The following SKAP1 variants were observed in gnomAD, a reference collection of about 807,000 sequenced individuals.
SKAP1 encodes src kinase-associated phosphoprotein 1.
Under a neutral mutation model 58.5 loss-of-function variants are expected in SKAP1, and 44 were observed. The ratio of observed to expected loss-of-function variants is 0.75; its 90% CI spans 0.59 to 0.97. SKAP1 has a LOEUF of 0.97. Among genes scored for constraint, SKAP1 ranks in the 50% least tolerant of loss-of-function variants. SKAP1 has a pLI of 0.00. For synonymous variants in SKAP1, 127 were observed against 149.7 expected, an observed-to-expected ratio of 0.85 and a Z score of 1.11; for missense variants, 390 against 435.2, an observed-to-expected ratio of 0.90 and a Z score of 0.92.
At chr17:48,218,458 G>T (rs1365435094) in intron 4 of SKAP1, among the ~76,000 whole-genome samples, 3 of 152,168 alleles carry the variant, frequency 2.0e-5, no homozygotes, top group Admixed American at 1.3e-4. Context: ...TCAATTCTAA[G>T]AATAATAATT....
chr17:48,339,979 G>A (rs1034605276), intron 4 of SKAP1, among the ~76,000 whole-genome samples: 1 of 152,024 alleles, frequency 6.6e-6, no homozygotes, highest in South Asian at 2.1e-4. Flanking sequence ...TCGGGAGTTC[G>A]AGACCAGCCT....
chr17:48,387,694 T>A (rs1226933296), intron 2 of SKAP1, among the ~76,000 whole-genome samples: 4 of 152,244 alleles, frequency 2.6e-5, no homozygotes, highest in Admixed American at 2.6e-4. Context: ...TTCTAACCTC[T>A]GTCATTTTTA....
chr17:48,142,602 T>C (rs1237808834), intron 11 of SKAP1, among the ~76,000 whole-genome samples: 1 of 152,222 alleles, frequency 6.6e-6, no homozygotes, highest in South Asian at 2.1e-4. Context: ...CCCTGGTGAT[T>C]GAACTAGTTG....
intron 3 of SKAP1, among the ~76,000 whole-genome samples, chr17:48,350,470 C>T (rs1043438420): frequency 6.6e-6 from 1 of 152,018 alleles, no homozygotes; most frequent in Non-Finnish European, 1.5e-5. Flanking sequence ...CCGAGGCAGG[C>T]AGATCACCTG....
chr17:48,365,080 C>A (rs2066984918), intron 2 of SKAP1, among the ~76,000 whole-genome samples: 1 of 152,034 alleles, frequency 6.6e-6, no homozygotes, highest in Non-Finnish European at 1.5e-5. Flanking sequence ...TTCTCAACAA[C>A]CTTGCAATGA....
Position 48,363,830 on chromosome 17 carries a change from G to C in SKAP1, c.153-16C>G. 1 of 1,559,474 alleles carries C rather than the reference G, an allele frequency of 6.4e-7. No individual in the cohort carries two copies. The highest frequency in any genetic ancestry group is 8.7e-7 in the Non-Finnish European group (1 of 1,147,140). On this transcript the variant is annotated splice_polypyrimidine_tract_variant and intron_variant, in intron 2 of 12. Transcript: ENST00000336915. Reference sequence around the variant, plus strand: ...CCAATAGTACCTGAAATACAAGGGGGAAAAAAAAAGGGAATAAGTCAAACT... The same window carrying C: ...CCAATAGTACCTGAAATACAAGGGGCAAAAAAAAAGGGAATAAGTCAAACT...
chr17:48,418,986 G>A (rs1232538612), intron 1 of SKAP1, among the ~76,000 whole-genome samples: 1 of 152,056 alleles, frequency 6.6e-6, no homozygotes, highest in Non-Finnish European at 1.5e-5. Context: ...GGTCACATAG[G>A]TGTCTATATA....
At chr17:48,215,100 T>C (rs2064922872) in intron 4 of SKAP1, among the ~76,000 whole-genome samples, 1 of 151,914 alleles carries the variant, frequency 6.6e-6, no homozygotes, top group African/African-American at 2.4e-5. Context: ...GTTTTTAAAT[T>C]ATAGAGAAAT....
intron 2 of SKAP1, chr17:48,377,540 T>C (rs1028279089): frequency 6.8e-6 from 1 of 146,154 alleles, no homozygotes; most frequent in Non-Finnish European, 1.5e-5. Flanking sequence ...ATTGTGCCAC[T>C]ACACTCCAGC....
At chr17:48,311,035 C>A (rs758753214) in intron 4 of SKAP1, among the ~76,000 whole-genome samples, 1 of 152,192 alleles carries the variant, frequency 6.6e-6, no homozygotes, top group East Asian at 1.9e-4. Flanking sequence ...CGCCGCCCCC[C>A]CAGGCTGAGC....
At chr17:48,167,016 C>G (rs145934103) in intron 10 of SKAP1, among the ~76,000 whole-genome samples, 28 of 151,942 alleles carry the variant, frequency 1.8e-4, no homozygotes, top group Non-Finnish European at 4.0e-4. Context: ...AGGTGCATGC[C>G]ACCACACCCA....
intron 2 of SKAP1, among the ~76,000 whole-genome samples, chr17:48,384,315 G>A (rs1393269126): frequency 6.6e-6 from 1 of 152,198 alleles, no homozygotes; most frequent in Admixed American, 6.5e-5. Flanking sequence ...GAAAGCAGAA[G>A]TAGACTTCAG....
intron 4 of SKAP1, chr17:48,295,512 T>G (rs1397418659): frequency 1.3e-5 from 2 of 152,166 alleles, no homozygotes; most frequent in African/African-American, 4.8e-5. Flanking sequence ...GATACTTTTT[T>G]TCTTTTACAA....
At chr17:48,373,415 GT>G (rs1174360473) in intron 2 of SKAP1, among the ~76,000 whole-genome samples, 1 of 152,176 alleles carries the variant, frequency 6.6e-6, no homozygotes, top group Non-Finnish European at 1.5e-5. Context: ...TGAGATTTGG[GT>G]GGGGGGACAG....
intron 6 of SKAP1, chr17:48,185,297 A>G (rs2064434171): frequency 6.5e-6 from 1 of 154,454 alleles, no homozygotes; most frequent in Non-Finnish European, 1.4e-5. Flanking sequence ...CCCATGCCCT[A>G]TGTAGCATTT....
intron 10 of SKAP1, among the ~76,000 whole-genome samples, chr17:48,168,512 C>G (rs1009451645): frequency 2.0e-5 from 3 of 152,146 alleles, no homozygotes; most frequent in African/African-American, 7.2e-5. Context: ...CAAAAATTAG[C>G]CAGGCGTGGT....
At chr17:48,201,433 G>A (rs1234283010) in intron 4 of SKAP1, among the ~76,000 whole-genome samples, 2 of 151,624 alleles carry the variant, frequency 1.3e-5, no homozygotes, top group African/African-American at 4.9e-5. Flanking sequence ...CCAGGCTGAA[G>A]TGCAGTGGTG....
At chr17:48,347,427 G>A (rs9897162) in intron 3 of SKAP1, among the ~76,000 whole-genome samples, 50,712 of 151,904 alleles carry the variant, frequency 0.33, 9,158 homozygotes, top group African/African-American at 0.47. Flanking sequence ...TAGAAAGCCA[G>A]GGAGGTTATA....
At chr17:48,420,569 C>A (rs1196115033) in intron 1 of SKAP1, among the ~76,000 whole-genome samples, 4 of 152,112 alleles carry the variant, frequency 2.6e-5, no homozygotes, top group Non-Finnish European at 5.9e-5. Context: ...AGAGGATATA[C>A]CCTGATAACT....
Sources: gnomAD v4.1 joint callset for allele counts (sites outside exome capture counted in the v4.1 genomes callset) on GRCh38, gnomAD v4.1.1 for gene constraint, MANE v1.5 for transcripts, NCBI Gene and HGNC (gene_info 2026-07-23, HGNC 2026-07-21) for gene names.